Variants in ZNF451 observed in about 807,000 individuals in gnomAD.
ZNF451 encodes E3 SUMO-protein ligase ZNF451.
ZNF451 carries 80 observed loss-of-function variants against 107.1 expected under a neutral mutation model. The ratio of observed to expected loss-of-function variants is 0.75; its 90% confidence interval spans 0.62 to 0.90. The LOEUF (loss-of-function observed/expected upper bound fraction) is 0.90. Ranked by LOEUF, ZNF451 falls within the 40% of genes least tolerant of loss-of-function variation. ZNF451 has a pLI of 0.00. For synonymous variants in ZNF451, 362 were observed against 406.5 expected, an observed-to-expected ratio of 0.89 and a Z score of 1.32; for missense variants, 1,107 against 1,236.2, an observed-to-expected ratio of 0.90 and a Z score of 1.57.
rs1832309793 is a variant in ZNF451 at position 57,150,862 on chromosome 6, G to C, written c.2752G>C (p.Gly918Arg). The change falls in exon 11 of 15, where the codon GGA (glycine) becomes CGA (arginine). Residue 918 changes from glycine (G) to arginine (R), a missense_variant and splice_region_variant. This residue lies in a region of ZNF451 where 4 missense variants were observed against 20.5 expected (regional missense o/e 0.19). Coordinates refer to ENST00000370706, the MANE Select transcript of ZNF451 (RefSeq NM_001031623.3). ...AGGAACATTTATTTGGGGCTTTCAA[G>C]GTACGGTTAATAAGAAAAACAAAAG... is the stretch of plus-strand genomic sequence containing the variant. ...NQGTFIWGFQ[G>R]GNTNWKPPLN... is the part of the protein sequence containing the mutation. 1.9e-6 allele frequency: 3 copies of C among 1,613,514 alleles called. No individual in the cohort carries two copies. The highest frequency in any genetic ancestry group is 2.5e-6 in the Non-Finnish European group (3 of 1,179,912).
Position 57,141,618 on chromosome 6 carries a change from A to G in ZNF451, c.856+163A>G, listed in dbSNP as rs567291475. ...CTACTTAAAAACAAAGATTCTTAATATTTATTTGTACGTATGAGTAAGGCT... is the reference window on the plus strand; with the variant it reads ...CTACTTAAAAACAAAGATTCTTAATGTTTATTTGTACGTATGAGTAAGGCT... On this transcript the variant is annotated intron_variant, in intron 8 of 14. Transcript: ENST00000370706. 3.9e-5 allele frequency among the ~76,000 whole-genome samples: 6 copies of G among 152,322 alleles called. No homozygotes were observed. The South Asian group carries it at 1.0e-3, about 26-fold the overall frequency.
chr6:57,128,678 C>T, intron 4 of ZNF451, 51 bp from the exon 5 acceptor site: 6 of 1,295,412 alleles, frequency 4.6e-6, no homozygotes, highest in Non-Finnish European at 6.6e-6. Flanking sequence ...ATCCTTTTCT[C>T]AAGGAAAACA....
At chr6:57,153,824 G>A (rs1267629385) in intron 12 of ZNF451, 37 bp from the exon 13 acceptor site, 8 of 1,606,388 alleles carry the variant, frequency 5.0e-6, no homozygotes, top group East Asian at 4.5e-5. Flanking sequence ...AACTCATGCT[G>A]ATTTTTTATC....
At chr6:57,102,771 C>A in intron 3 of ZNF451, 2 of 985,404 alleles carry the variant, frequency 2.0e-6, no homozygotes, top group Non-Finnish European at 2.4e-6. Context: ...ATTATGGACA[C>A]CAACTGGAAA....
chr6:57,149,210 A>C (rs185335955), intron 10 of ZNF451, among the ~76,000 whole-genome samples: 25 of 152,336 alleles, frequency 1.6e-4, no homozygotes, highest in African/African-American at 6.0e-4. Flanking sequence ...AGTAGAGTTA[A>C]AGTGGTAGCA....
In ZNF451 at chr6:57,096,767, C is replaced by CTTT. The variant is rs772840052; in HGVS notation, c.106-2270_106-2268dup. 5.1e-4 allele frequency among the ~76,000 whole-genome samples: 41 copies of CTTT among 79,952 alleles called. 3 individuals are homozygous for CTTT. Among genetic ancestry groups the CTTT allele is most frequent in the Non-Finnish European group, 6.8e-4 (27 of 39,628 alleles). The allele number at this position is 79,952 out of a possible 152,430, so 52.5% of individuals were successfully genotyped here. A position where few individuals can be genotyped will look rare whatever the true frequency, so the allele number is the denominator to read the frequency against. On this transcript the variant is annotated intron_variant, in intron 2 of 14. Transcript: ENST00000370706. ...TTGGATCGAACATACAATTTTCAGT[C>CTTT]TTTTTTTTTTTTTTTTTTTTTTTTT... is the stretch of plus-strand genomic sequence containing the variant.
At position 57,103,510 on chromosome 6, in the gene ZNF451, G is replaced by T. The variant is rs45477497; in HGVS notation, c.186+4369G>T. On this transcript the variant is annotated intron_variant, in intron 3 of 14. Coordinates refer to ENST00000370706, the MANE Select transcript of ZNF451 (RefSeq NM_001031623.3). ...TATGTCCCACAGTATCTTCTCTTTAGACTCAAGGTAGTGGATGTATGGTAT... is the reference window on the plus strand; with the variant it reads ...TATGTCCCACAGTATCTTCTCTTTATACTCAAGGTAGTGGATGTATGGTAT... 47,203 of 985,286 alleles carry T rather than the reference G, an allele frequency of 0.048. 1,227 individuals are homozygous for T. Among genetic ancestry groups the T allele is most frequent in the Non-Finnish European group, 0.054 (44,457 of 829,882 alleles). 61.0% of individuals were successfully genotyped at this position (985,286 alleles called of 1,614,324 possible). A position where few individuals can be genotyped will look rare whatever the true frequency, so the allele number is the denominator to read the frequency against.
chr6:57,148,106 T>C lies in ZNF451; in HGVS notation c.2021T>C (p.Leu674Pro), dbSNP rs41267685. The change falls in exon 10 of 15, where the codon CTT becomes CCT. Residue 674 changes from leucine (L) to proline (P), a missense_variant. Around this residue, in one of 5 missense-constraint regions of ZNF451, gnomAD observed 608 missense variants for 649.2 expected, o/e 0.94. Coordinates refer to ENST00000370706, the MANE Select transcript of ZNF451 (RefSeq NM_001031623.3). Reference protein sequence around the residue: ...KIKYFCGLCDLIFNVEEAFLS... With the variant: ...KIKYFCGLCDPIFNVEEAFLS... ...AAATACTTCTGTGGGCTTTGTGATC[T>C]TATCTTTAATGTGGAAGAAGCATTT... 2 of 1,614,104 alleles carry C rather than the reference T, an allele frequency of 1.2e-6. No individual in the cohort carries two copies. Among genetic ancestry groups the C allele is most frequent in the Non-Finnish European group, 1.7e-6 (2 of 1,179,986 alleles).
chr6:57,128,805 C>T lies in ZNF451; in HGVS notation c.389C>T (p.Ala130Val). Residue 130 changes from alanine to valine, a missense_variant, in exon 5 of 15, where the codon GCA (alanine) becomes GTA (valine). Coordinates refer to ENST00000370706, the MANE Select transcript of ZNF451 (RefSeq NM_001031623.3). ...CGAGGACATTCTGATACAGAAGCAG[C>T]AAGACTGTGTGTGGACCAGTGGCTA... is the stretch of plus-strand genomic sequence containing the variant. Reference protein sequence around the residue: ...FIRGHSDTEAARLCVDQWLKM... With the variant: ...FIRGHSDTEAVRLCVDQWLKM... 6.2e-7 allele frequency: 1 copy of T among 1,612,908 alleles called. No individual in the cohort carries two copies.
chr6:57,111,845 A>G (rs1830131369), intron 3 of ZNF451, among the ~76,000 whole-genome samples: 1 of 152,240 alleles, frequency 6.6e-6, no homozygotes, highest in Non-Finnish European at 1.5e-5. Flanking sequence ...TGGTGGGACT[A>G]GCCTTATTCA....
At chr6:57,154,311 T>C (rs1763294253) in intron 13 of ZNF451, 1 of 538,290 alleles carries the variant, frequency 1.9e-6, no homozygotes, top group African/African-American at 1.9e-5. Flanking sequence ...AAAACATATA[T>C]TCATGTGTTA....
intron 13 of ZNF451, among the ~76,000 whole-genome samples, chr6:57,156,428 C>G (rs1050783179): frequency 2.6e-5 from 4 of 152,120 alleles, no homozygotes; most frequent in Admixed American, 2.0e-4. Flanking sequence ...ATAAATCTCT[C>G]AATGTCCATT....
chr6:57,127,498 T>C (rs752158116), intron 4 of ZNF451, among the ~76,000 whole-genome samples: 5 of 152,194 alleles, frequency 3.3e-5, no homozygotes, highest in South Asian at 2.1e-4. Flanking sequence ...CCCTGTTACA[T>C]TGATAACTAG....
intron 13 of ZNF451, among the ~76,000 whole-genome samples, chr6:57,155,993 G>A (rs996209281): frequency 2.6e-5 from 4 of 151,862 alleles, no homozygotes. Flanking sequence ...TCCTAGCAGC[G>A]CGATTTCAGG....
intron 14 of ZNF451, among the ~76,000 whole-genome samples, chr6:57,163,724 A>G (rs1763782913): frequency 6.6e-6 from 1 of 151,970 alleles, no homozygotes; most frequent in South Asian, 2.1e-4. Flanking sequence ...TGCTGGGATT[A>G]CAGGCGTGAG....
At chr6:57,109,755 A>G (rs1291144537) in intron 3 of ZNF451, 4 of 900,072 alleles carry the variant, frequency 4.4e-6, no homozygotes, top group Non-Finnish European at 4.0e-6. Context: ...AAATGCTCAT[A>G]ATAATAAAAT....
chr6:57,163,436 C>CTTTTT (rs398001706), intron 14 of ZNF451, among the ~76,000 whole-genome samples: 1,114 of 30,324 alleles, frequency 0.037, 394 homozygotes, highest in African/African-American at 0.052. Context: ...AATGAATAAA[C>CTTTTT]TTTTTTTTTT....
At chr6:57,117,076 G>T (rs1830409018) in intron 3 of ZNF451, among the ~76,000 whole-genome samples, 1 of 152,172 alleles carries the variant, frequency 6.6e-6, no homozygotes, top group Non-Finnish European at 1.5e-5. Flanking sequence ...AGAATAAACA[G>T]ATCAGCAGAA....
chr6:57,106,126 C>A (rs1309364204), intron 3 of ZNF451: 9 of 985,244 alleles, frequency 9.1e-6, no homozygotes, highest in Non-Finnish European at 9.6e-6. Context: ...GTACTGTAAA[C>A]AAGGAGGTTG....
Sources: allele counts gnomAD v4.1 joint callset (sites outside exome capture counted in the v4.1 genomes callset), GRCh38; gene constraint gnomAD v4.1.1; regional missense constraint gnomAD v4.1.1; transcripts MANE v1.5; gene names NCBI Gene and HGNC (gene_info 2026-07-23, HGNC 2026-07-21).